The following CA5A variants were observed in gnomAD, a reference collection of about 807,000 sequenced individuals.
CA5A encodes carbonic anhydrase 5A, also known as carbonic anhydrase 5A, mitochondrial.
CA5A carries 28 observed loss-of-function variants against 37.1 expected under a neutral mutation model. The ratio of observed to expected loss-of-function variants is 0.75; its 90% CI spans 0.56 to 1.03. The LOEUF (loss-of-function observed/expected upper bound fraction) is 1.03, where lower values mean the gene tolerates loss of function less well. Among genes scored for constraint, CA5A ranks in the 50% least tolerant of loss-of-function variants. CA5A has a pLI of 0.00. For missense variants in CA5A, 444 were observed against 399.9 expected (o/e 1.11, Z -0.94); for synonymous variants, 171 against 158.4 (o/e 1.08, Z -0.60).
Position 87,912,287 on chromosome 16 carries a change from G to A in CA5A, c.341-7383C>T, listed in dbSNP as rs758806485. Among the ~76,000 whole-genome samples the A allele has an allele frequency of 2.6e-5, 4 of 152,178 alleles. No individual in the cohort carries two copies. In the East Asian group the frequency reaches 5.8e-4, roughly 22 times the overall value. The stretch of plus-strand genomic sequence containing the variant: ...ACTGAACTCCAGCCTGGGCGACAGA[G>A]GGAGACTCCATCTCAATAAATAAAT... On this transcript the variant is annotated intron_variant, in intron 2 of 6. Transcript: ENST00000649794.
chr16:87,935,260 T>A lies in CA5A; in HGVS notation c.142+1049A>T, dbSNP rs1022540751. Among the ~76,000 whole-genome samples the A allele has an allele frequency of 2.0e-5, 3 of 152,208 alleles. No individual in the cohort carries two copies. The East Asian group carries it at 5.8e-4, about 29-fold the overall frequency. On this transcript the variant is annotated intron_variant, in intron 1 of 6. Coordinates refer to ENST00000649794, the MANE Select transcript of CA5A (RefSeq NM_001739.2). ...GCTCTCATTCTACGGAGGAAGCACCTGAGACCCAGAAAGAGGAAGGGCCTC... is the reference window on the plus strand; with the variant it reads ...GCTCTCATTCTACGGAGGAAGCACCAGAGACCCAGAAAGAGGAAGGGCCTC...
At chr16:87,923,898 A>T in intron 2 of CA5A, 2 of 984,942 alleles carry the variant, frequency 2.0e-6, no homozygotes, top group South Asian at 9.4e-5. Context: ...TAACCCAAAC[A>T]ATTAAAAGTT....
intron 2 of CA5A, among the ~76,000 whole-genome samples, chr16:87,913,928 A>G (rs2056089910): frequency 6.6e-6 from 1 of 152,182 alleles, no homozygotes; most frequent in African/African-American, 2.4e-5. Context: ...TACCACGAGG[A>G]AGCGTAAGTG....
intron 2 of CA5A, among the ~76,000 whole-genome samples, chr16:87,912,216 C>T (rs1371861771): frequency 2.0e-5 from 3 of 152,096 alleles, no homozygotes; most frequent in Non-Finnish European, 2.9e-5. Flanking sequence ...GTGAGAGAAT[C>T]GCTTGAACCC....
At chr16:87,900,739 C>T (rs957971948) in intron 5 of CA5A, among the ~76,000 whole-genome samples, 18 of 152,218 alleles carry the variant, frequency 1.2e-4, no homozygotes, top group African/African-American at 3.9e-4. Flanking sequence ...GGTTTCTCTC[C>T]GCCCTTGGGC....
At chr16:87,926,027 A>G (rs542140112) in intron 2 of CA5A, among the ~76,000 whole-genome samples, 1 of 152,202 alleles carries the variant, frequency 6.6e-6, no homozygotes, top group East Asian at 1.9e-4. Context: ...GTTCGAGAGC[A>G]GCCTGGCCAA....
At chr16:87,890,955 T>G (rs1410994913) in intron 6 of CA5A, among the ~76,000 whole-genome samples, 1 of 151,906 alleles carries the variant, frequency 6.6e-6, no homozygotes, top group African/African-American at 2.4e-5. Flanking sequence ...CCACCACGCC[T>G]GGCTAATTTT....
At chr16:87,886,113 A>G (rs371106141), downstream of CA5A, 1 of 148,976 alleles carries the variant, frequency 6.7e-6, no homozygotes, top group East Asian at 2.0e-4. Context: ...GAAAAGCCAC[A>G]CTCAGACCCA....
At position 87,888,893 on chromosome 16, in the gene CA5A, C is replaced by G. The variant is rs555779329; in HGVS notation, c.775-621G>C. ...TCGGCCTCCTGAGTAGTTGGAATTA[C>G]AGGCACAAGCCACCACGCCCGGCTA... On this transcript the variant is annotated intron_variant, in intron 6 of 6. Coordinates refer to ENST00000649794, the MANE Select transcript of CA5A (RefSeq NM_001739.2). 2.0e-5 allele frequency among the ~76,000 whole-genome samples: 3 copies of G among 151,822 alleles called. No individual in the cohort carries two copies. In the East Asian group the frequency reaches 5.8e-4, roughly 29 times the overall value.
rs1003222936 is a variant in CA5A, at chr16:87,897,415, G to C, written c.618+4497C>G. On this transcript the variant is annotated intron_variant, in intron 5 of 6. Coordinates refer to ENST00000649794, the MANE Select transcript of CA5A (RefSeq NM_001739.2). ...GTCTCCATTCTGGAATTGTCTGCCC[G>C]GGGTCACCAGGACCACACTGGGGCT... 2.6e-5 allele frequency among the ~76,000 whole-genome samples: 4 copies of C among 152,268 alleles called. No individual in the cohort carries two copies. In the East Asian group the frequency reaches 7.7e-4, roughly 29 times the overall value.
At chr16:87,918,012 T>G (rs1277390307) in intron 2 of CA5A, among the ~76,000 whole-genome samples, 1 of 152,174 alleles carries the variant, frequency 6.6e-6, no homozygotes, top group Admixed American at 6.5e-5. Context: ...AGGATTCCCC[T>G]CCAAGGAATT....
downstream of CA5A, chr16:87,885,856 C>G (rs1179849028): frequency 6.6e-6 from 1 of 152,310 alleles, no homozygotes; most frequent in Non-Finnish European, 1.5e-5. Context: ...ACTTACCACT[C>G]CAGACTTTCT....
chr16:87,923,335 T>C (rs115803629), intron 2 of CA5A, among the ~76,000 whole-genome samples: 9,720 of 152,214 alleles, frequency 0.064, 1,027 homozygotes, highest in African/African-American at 0.22. Flanking sequence ...ACCACAGGTG[T>C]GCGCCACCAA....
chr16:87,890,914 C>T (rs2055704073), intron 6 of CA5A, among the ~76,000 whole-genome samples: 1 of 152,084 alleles, frequency 6.6e-6, no homozygotes, highest in Non-Finnish European at 1.5e-5. Flanking sequence ...CTTGCCCCAG[C>T]CTCCCAAGTA....
chr16:87,924,317 G>C, intron 2 of CA5A: 5 of 985,318 alleles, frequency 5.1e-6, no homozygotes, highest in Non-Finnish European at 6.0e-6. Flanking sequence ...GAGCATACAG[G>C]CAGCGTGGCT....
At chr16:87,900,350 G>T (rs943930394) in intron 5 of CA5A, among the ~76,000 whole-genome samples, 1 of 152,182 alleles carries the variant, frequency 6.6e-6, no homozygotes, top group African/African-American at 2.4e-5. Context: ...GGCGGCAGGG[G>T]GTGATCTGGT....
Position 87,904,951 on chromosome 16 carries a change from T to G in CA5A, c.341-47A>C, listed in dbSNP as rs374792965. 23 of 1,215,554 alleles carry G rather than the reference T, an allele frequency of 1.9e-5. No homozygotes were observed. The South Asian group carries it at 2.0e-4, about 11-fold the overall frequency. 75.3% of individuals were successfully genotyped at this position (1,215,554 alleles called of 1,614,324 possible). A position where few individuals can be genotyped will look rare whatever the true frequency, so the allele number is the denominator to read the frequency against. On this transcript the variant is annotated intron_variant, in intron 2 of 6. Coordinates refer to ENST00000649794, the MANE Select transcript of CA5A (RefSeq NM_001739.2). ...CGTGTGTGTCATTTTGTCTGTTTGT[T>G]GAGCTGTGGTGTTACCTGAGGCATT...
intron 6 of CA5A, among the ~76,000 whole-genome samples, chr16:87,888,495 C>A (rs923445434): frequency 6.6e-6 from 1 of 152,084 alleles, no homozygotes; most frequent in Non-Finnish European, 1.5e-5. Flanking sequence ...GGAAGCTGGT[C>A]GCCATATTGG....
At chr16:87,922,145 C>G (rs564311760) in intron 2 of CA5A, among the ~76,000 whole-genome samples, 29 of 152,286 alleles carry the variant, frequency 1.9e-4, no homozygotes, top group Non-Finnish European at 7.4e-5. Context: ...AGTCTGTGCT[C>G]TAACACACTC....
Sources: gnomAD v4.1 joint callset for allele counts (sites outside exome capture counted in the v4.1 genomes callset) on GRCh38, gnomAD v4.1.1 for gene constraint, MANE v1.5 for transcripts, NCBI Gene and HGNC (gene_info 2026-07-23, HGNC 2026-07-21) for gene names.